Variants in MGA observed in about 807,000 individuals in gnomAD.
MGA encodes MAX gene-associated protein.
In MGA, 40 loss-of-function variants were observed where a neutral mutation model predicts 261.1. The ratio of observed to expected loss-of-function variants is 0.15; its 90% CI spans 0.12 to 0.20. MGA has a LOEUF of 0.20. MGA is among the 10% of genes least tolerant of loss of function. The pLI, the probability that MGA is intolerant of heterozygous loss-of-function variation, is 1.00. For missense variants in MGA, 3,397 were observed against 3,630.5 expected, an observed-to-expected ratio of 0.94 and a Z score of 1.65; for synonymous variants, 1,302 against 1,290.6, an observed-to-expected ratio of 1.01 and a Z score of -0.19.
chr15:41,655,421 C>T (rs1181688346), upstream of MGA, among the ~76,000 whole-genome samples: 3 of 152,114 alleles, frequency 2.0e-5, no homozygotes, highest in African/African-American at 7.2e-5. Flanking sequence ...GATCCGTCCA[C>T]CTTGGCCTCC....
At chr15:41,693,905 G>A (rs1417473167) in intron 2 of MGA, among the ~76,000 whole-genome samples, 5 of 152,100 alleles carry the variant, frequency 3.3e-5, no homozygotes, top group East Asian at 3.8e-4. Flanking sequence ...GATTATTGGG[G>A]ATATTTAATT....
At chr15:41,708,511 G>A (rs2060226772) in intron 7 of MGA, among the ~76,000 whole-genome samples, 1 of 152,164 alleles carries the variant, frequency 6.6e-6, no homozygotes, top group Admixed American at 6.5e-5. Flanking sequence ...TAGATACAGG[G>A]CTTCACCATG....
rs67238224 is a variant in MGA at position 41,759,464 on chromosome 15, A to ATT, written c.7192-841_7192-840dup. ...TGTGTGTGTGTGTGTGTGTGTGTGT[A>ATT]TTTTTTTTTTTTTTTTTTTGTAAAG... On this transcript the variant is annotated intron_variant, in intron 19 of 23. Coordinates refer to ENST00000219905, the MANE Select transcript of MGA (RefSeq NM_001164273.2). Among the ~76,000 whole-genome samples, 568 of 94,624 alleles carry ATT rather than the reference A, an allele frequency of 6.0e-3. 13 individuals carry two copies. The highest frequency in any genetic ancestry group is 9.1e-3 in the Non-Finnish European group (439 of 48,130). The allele number at this position is 94,624 out of a possible 152,430, so 62.1% of individuals were successfully genotyped here.
intron 11 of MGA, among the ~76,000 whole-genome samples, chr15:41,730,296 G>C (rs985296779): frequency 2.6e-5 from 4 of 151,992 alleles, no homozygotes; most frequent in Non-Finnish European, 4.4e-5. Flanking sequence ...AAAATTAGCC[G>C]GGTGTGGTGG....
At chr15:41,634,163 T>G (rs749274463) in intron 1 of MGA, among the ~76,000 whole-genome samples, 1 of 152,192 alleles carries the variant, frequency 6.6e-6, no homozygotes, top group Non-Finnish European at 1.5e-5. Context: ...TATTACATCA[T>G]GTATTTATTT....
intron 2 of MGA, among the ~76,000 whole-genome samples, chr15:41,680,558 ATC>A (rs1566968258): frequency 6.6e-6 from 1 of 152,094 alleles, no homozygotes; most frequent in Non-Finnish European, 1.5e-5. Flanking sequence ...GATTCTCACA[ATC>A]TCTCTCAGGT....
intron 2 of MGA, among the ~76,000 whole-genome samples, chr15:41,672,292 T>C (rs987876574): frequency 2.0e-5 from 3 of 152,222 alleles, no homozygotes; most frequent in Non-Finnish European, 2.9e-5. Flanking sequence ...TAGCTGGGAC[T>C]ACAGGCATGC....
In MGA at chr15:41,749,727, A is replaced by G; in HGVS notation, c.6120A>G (p.Glu2040=). 3 of 1,614,038 alleles carry G rather than the reference A, an allele frequency of 1.9e-6. No homozygotes were observed. Among genetic ancestry groups the G allele is most frequent in the Non-Finnish European group, 2.5e-6 (3 of 1,179,886 alleles). ...TGGATGAAGAATGCCTTCCAGAAGA[A>G]GGTTGTGCAACTGTCAAACCATCTG... The change falls in exon 17 of 24, where the codon GAA becomes GAG. Residue 2040 remains glutamate, a synonymous_variant. Coordinates refer to ENST00000219905, the MANE Select transcript of MGA (RefSeq NM_001164273.2).
chr15:41,734,415 T>C, intron 11 of MGA, 107 bp from the exon 12 acceptor site: 2 of 856,406 alleles, frequency 2.3e-6, no homozygotes, highest in South Asian at 3.2e-5. Flanking sequence ...ATTTCAGTCA[T>C]TCTAATGATT....
Position 41,744,927 on chromosome 15 carries a change from G to T in MGA, c.5212+1755G>T, listed in dbSNP as rs571928302. ...GGAGTCTCGCTCTGTTGCCCAGGCTGGAGTGCAGTGGCACCATCTCAGCTC... is the reference window on the plus strand; with the variant it reads ...GGAGTCTCGCTCTGTTGCCCAGGCTTGAGTGCAGTGGCACCATCTCAGCTC... On this transcript the variant is annotated intron_variant, in intron 15 of 23. Transcript: ENST00000219905. 1.1e-4 allele frequency among the ~76,000 whole-genome samples: 17 copies of T among 152,278 alleles called. No individual in the cohort carries two copies. In the South Asian group the frequency reaches 3.5e-3, roughly 32 times the overall value.
At chr15:41,629,652 C>T (rs560256754) in intron 1 of MGA, among the ~76,000 whole-genome samples, 1 of 152,048 alleles carries the variant, frequency 6.6e-6, no homozygotes, top group East Asian at 1.9e-4. Flanking sequence ...TTACTTCAGC[C>T]TGGGTGGTTG....
chr15:41,749,466 G>A lies in MGA; in HGVS notation c.5859G>A (p.Lys1953=), dbSNP rs751958262. The change falls in exon 17 of 24, where the codon AAG becomes AAA. Residue 1953 remains lysine, a synonymous_variant. Coordinates refer to ENST00000219905, the MANE Select transcript of MGA (RefSeq NM_001164273.2). ...CCTTGTTACAGCTCCCAGGACAAAA[G>A]CCTGTTCCTAGCTCCATTCTTCAGC... 1.2e-6 allele frequency: 2 copies of A among 1,613,934 alleles called. No homozygotes were observed. The highest frequency in any genetic ancestry group is 1.1e-5 in the South Asian group (1 of 91,082).
Position 41,761,774 on chromosome 15 carries a change from A to C in MGA, c.7434A>C (p.Ala2478=). 1 of 1,599,688 alleles carries C rather than the reference A, an allele frequency of 6.3e-7. No homozygotes were observed. Among genetic ancestry groups the C allele is most frequent in the East Asian group, 2.2e-5 (1 of 44,622 alleles). ...AAATTCAGGGACTAACAGATCAGGC[A>C]GACAAATTGATAGGACAGAAAAATC... Residue 2478 remains alanine, a synonymous_variant, in exon 21 of 24, where the codon GCA becomes GCC. Coordinates refer to ENST00000219905, the MANE Select transcript of MGA (RefSeq NM_001164273.2).
chr15:41,654,511 C>T (rs756223334), intron 1 of MGA, among the ~76,000 whole-genome samples: 17 of 152,118 alleles, frequency 1.1e-4, no homozygotes, highest in Non-Finnish European at 1.8e-4. Flanking sequence ...GGAATTCCTG[C>T]GTTGATCACC....
intron 2 of MGA, among the ~76,000 whole-genome samples, chr15:41,688,001 A>G (rs1280595195): frequency 6.6e-6 from 1 of 152,166 alleles, no homozygotes; most frequent in Non-Finnish European, 1.5e-5. Context: ...GATTAGGTAC[A>G]TATACTTCTA....
chr15:41,733,834 T>C (rs1364696953), intron 11 of MGA, among the ~76,000 whole-genome samples: 1 of 152,198 alleles, frequency 6.6e-6, no homozygotes, highest in African/African-American at 2.4e-5. Context: ...TTTCTGATCC[T>C]GGAGTAATTT....
intron 1 of MGA, among the ~76,000 whole-genome samples, chr15:41,641,152 A>G (rs1000577337): frequency 6.6e-6 from 1 of 152,210 alleles, no homozygotes; most frequent in Non-Finnish European, 1.5e-5. Context: ...ATGTTGTAGC[A>G]TGTATCCATA....
At position 41,750,239 on chromosome 15, in the gene MGA, A is replaced by G; in HGVS notation, c.6632A>G (p.Asn2211Ser). Residue 2211 changes from asparagine (N) to serine (S), a missense_variant, in exon 17 of 24, where the codon AAT becomes AGT. Transcript: ENST00000219905. ...AAAGAAACAAAGACATGTCAGGAAA[A>G]TTCAGATGTGTTTCAGCAAGAACAA... 4 of 1,613,956 alleles carry G rather than the reference A, an allele frequency of 2.5e-6. No homozygotes were observed. The highest frequency in any genetic ancestry group is 3.4e-6 in the Non-Finnish European group (4 of 1,179,882).
At position 41,725,848 on chromosome 15, in the gene MGA, AAAAAAAAAT is replaced by A. The variant is rs1467364011; in HGVS notation, c.3431-1328_3431-1320del. Among the ~76,000 whole-genome samples, 2 of 143,792 alleles carry A rather than the reference AAAAAAAAAT, an allele frequency of 1.4e-5. 1 individual carries two copies. The highest frequency in any genetic ancestry group is 3.0e-5 in the Non-Finnish European group (2 of 66,442). 94.3% of individuals were successfully genotyped at this position (143,792 alleles called of 152,430 possible). ...AGACTCCGTCTCAAAAAAAAAAAAA[AAAAAAAAAT>A]AAATAAATAAATAAATAAATAAGTA... is the stretch of plus-strand genomic sequence containing the variant. On this transcript the variant is annotated intron_variant, in intron 9 of 23. Coordinates refer to ENST00000219905, the MANE Select transcript of MGA (RefSeq NM_001164273.2).
Sources: allele counts gnomAD v4.1 joint callset (sites outside exome capture counted in the v4.1 genomes callset), GRCh38; gene constraint gnomAD v4.1.1; transcripts MANE v1.5; gene names NCBI Gene and HGNC (gene_info 2026-07-23, HGNC 2026-07-21).